Variants in NBPF9 observed in about 807,000 individuals in gnomAD.
The protein encoded by NBPF9 is NBPF family member NBPF9.
A neutral mutation model predicts 97.8 loss-of-function variants in NBPF9; 91 were observed. The ratio of observed to expected loss-of-function variants is 0.93; its 90% CI spans 0.79 to 1.11. The LOEUF (loss-of-function observed/expected upper bound fraction) is 1.11, where lower values mean the gene tolerates loss of function less well. Ranked by LOEUF, NBPF9 falls within the 50% of genes least tolerant of loss-of-function variation. The pLI, the probability that NBPF9 is intolerant of heterozygous loss-of-function variation, is 0.00. For synonymous variants in NBPF9, 334 were observed against 359.5 expected (o/e 0.93, Z 0.80); for missense variants, 992 against 939.5 (o/e 1.06, Z -0.73).
At chr1:149,096,963 C>A (rs2081803367) in intron 4 of NBPF9, among the ~76,000 whole-genome samples, 1 of 142,874 alleles carries the variant, frequency 7.0e-6, no homozygotes, top group Non-Finnish European at 1.5e-5. Flanking sequence ...GCAGTGTGGT[C>A]TATTTAAAAA....
chr1:149,101,004 A>G (rs1553663173), intron 3 of NBPF9, among the ~76,000 whole-genome samples: 2 of 151,862 alleles, frequency 1.3e-5, no homozygotes, highest in Non-Finnish European at 2.9e-5. Flanking sequence ...ATGTGTTCAT[A>G]CTCCTAGGTT....
chr1:149,064,324 T>C (rs1553651090), intron 19 of NBPF9, 107 bp downstream of exon 19: 1 of 777,836 alleles, frequency 1.3e-6, no homozygotes, highest in Non-Finnish European at 2.0e-6. Context: ...TAATTCATAC[T>C]TGTCTGACAA....
chr1:149,074,185 T>C (rs4125381), intron 12 of NBPF9, among the ~76,000 whole-genome samples: 33 of 150,704 alleles, frequency 2.2e-4, no homozygotes, highest in East Asian at 5.9e-4. Context: ...TTTCCCAAGC[T>C]TTGCAGCCTC....
chr1:149,077,447 C>G lies in NBPF9; in HGVS notation c.567-28G>C, dbSNP rs2079984293. The stretch of plus-strand genomic sequence containing the variant: ...GATGAGCCAGGTGGGACAGAGATGA[C>G]AGAAGATTAAACACAGAGGGATTGG... On this transcript the variant is annotated intron_variant, in intron 10 of 29. Coordinates refer to ENST00000584027, the Ensembl canonical transcript of NBPF9. 6 of 1,605,468 alleles carry G rather than the reference C, an allele frequency of 3.7e-6. No homozygotes were observed. In the South Asian group the frequency reaches 6.6e-5, roughly 18 times the overall value.
At chr1:149,084,219 G>A (rs1180450011) in intron 5 of NBPF9, among the ~76,000 whole-genome samples, 1 of 144,600 alleles carries the variant, frequency 6.9e-6, no homozygotes, top group Non-Finnish European at 1.5e-5. Flanking sequence ...GTTAATGGGT[G>A]CAGCAAACCA....
At chr1:149,092,111 A>ACCCTTGTC (rs2081447395) in intron 4 of NBPF9, among the ~76,000 whole-genome samples, 1 of 150,246 alleles carries the variant, frequency 6.7e-6, no homozygotes, top group African/African-American at 2.5e-5. Context: ...AACATGCCAC[A>ACCCTTGTC]CCCTTGTCTC....
At chr1:149,056,413 T>C in intron 29 of NBPF9, 99 bp downstream of exon 29, 1 of 161,942 alleles carries the variant, frequency 6.2e-6, no homozygotes, top group East Asian at 2.1e-4. Context: ...TAATTCAGCC[T>C]TCGTTGAAAA....
At chr1:149,079,027 A>C (rs2080158784) in exon 9 of NBPF9, 17 of 1,519,338 alleles carry the variant, frequency 1.1e-5, no homozygotes, top group Non-Finnish European at 9.1e-7. Flanking sequence ...CTTTTGGACA[A>C]GGTGCTGTGC....
intron 5 of NBPF9, 100 bp from the exon 6 acceptor site, chr1:149,082,530 G>C (rs374746248): frequency 0.17 from 99,007 of 571,412 alleles, 9,775 homozygotes; most frequent in Non-Finnish European, 0.2. Flanking sequence ...AGGCACCCTA[G>C]TCTCACCTGA....
At chr1:149,072,696 A>G in intron 14 of NBPF9, 22 bp downstream of exon 14, 2 of 1,611,418 alleles carry the variant, frequency 1.2e-6, no homozygotes, top group Non-Finnish European at 1.7e-6. Context: ...TTTTGGGTCA[A>G]CAGGGCCTAT....
At chr1:149,082,957 CTTTTTTTTT>C (rs1157992196) in intron 5 of NBPF9, among the ~76,000 whole-genome samples, 31 of 66,460 alleles carry the variant, frequency 4.7e-4, no homozygotes, top group South Asian at 1.4e-3. Context: ...TTTTTCTTTT[CTTTTTTTTT>C]TTTTTTTTTT....
At chr1:149,068,465 G>A (rs1166076953) in intron 17 of NBPF9, among the ~76,000 whole-genome samples, 2 of 147,772 alleles carry the variant, frequency 1.4e-5, no homozygotes, top group African/African-American at 5.1e-5. Flanking sequence ...AAAAAAGGCA[G>A]GGGTTGCAAT....
intron 3 of NBPF9, among the ~76,000 whole-genome samples, chr1:149,099,310 C>T (rs1327984913): frequency 6.6e-6 from 1 of 152,202 alleles, no homozygotes; most frequent in Non-Finnish European, 1.5e-5. Flanking sequence ...TTAGCAGCAA[C>T]ACATACAAAG....
At chr1:149,086,247 C>G (rs12045224) in intron 5 of NBPF9, among the ~76,000 whole-genome samples, 1 of 150,158 alleles carries the variant, frequency 6.7e-6, no homozygotes, top group Non-Finnish European at 1.5e-5. Flanking sequence ...TGTTTCAGTA[C>G]CGACTGAGTG....
intron 16 of NBPF9, among the ~76,000 whole-genome samples, chr1:149,070,356 T>C (rs1553652647): frequency 7.3e-6 from 1 of 136,782 alleles, no homozygotes; most frequent in East Asian, 2.3e-4. Flanking sequence ...TCCACGATGC[T>C]ACAAAGAAAC....
In NBPF9 at chr1:149,082,175, C is replaced by T. The variant is rs1553656991; in HGVS notation, c.-35-1G>A. On this transcript the variant is annotated splice_acceptor_variant, in intron 6 of 29. Coordinates refer to ENST00000584027, the Ensembl canonical transcript of NBPF9. LOFTEE classifies it low-confidence loss of function (5UTR_SPLICE). ...GTGGCAGAAGAGGTGGGGCCAGGGA[C>T]TGGGGAGAAGAAACCCAAACATATG... 4.3e-6 allele frequency: 7 copies of T among 1,611,896 alleles called. No individual in the cohort carries two copies. The highest frequency in any genetic ancestry group is 5.9e-6 in the Non-Finnish European group (7 of 1,179,780).
At chr1:149,090,632 T>TA (rs1321194762) in intron 5 of NBPF9, 121 bp downstream of exon 5, 1 of 625,982 alleles carries the variant, frequency 1.6e-6, no homozygotes, top group Non-Finnish European at 2.7e-6. Flanking sequence ...TTTAAAGTGA[T>TA]ACGAAGAAAA....
chr1:149,062,720 G>A (rs1428206838), intron 21 of NBPF9, 142 bp downstream of exon 21: 8 of 729,072 alleles, frequency 1.1e-5, no homozygotes, highest in East Asian at 2.5e-5. Context: ...AACATCTACT[G>A]CAATGAAAAC....
intron 12 of NBPF9, among the ~76,000 whole-genome samples, chr1:149,074,868 A>G (rs2079722008): frequency 6.6e-6 from 1 of 151,016 alleles, no homozygotes; most frequent in Non-Finnish European, 1.5e-5. Context: ...CTGGAGTGCA[A>G]TGGCAAAACC....
Sources: gnomAD v4.1 joint callset for allele counts (sites outside exome capture counted in the v4.1 genomes callset) on GRCh38, gnomAD v4.1.1 for gene constraint, MANE v1.5 for transcripts, NCBI Gene and HGNC (gene_info 2026-07-23, HGNC 2026-07-21) for gene names.